The following SLC19A2 variants were observed in gnomAD, a reference collection of about 807,000 sequenced individuals.
SLC19A2 encodes thiamine transporter 1.
In SLC19A2, 27 loss-of-function variants were observed where a neutral mutation model predicts 44.7. The ratio of observed to expected loss-of-function variants is 0.60; its 90% confidence interval spans 0.45 to 0.83. The LOEUF (loss-of-function observed/expected upper bound fraction) is 0.83. Among genes scored for constraint, SLC19A2 ranks in the 40% least tolerant of loss-of-function variants. The pLI is 0.00. For synonymous variants in SLC19A2, 239 were observed against 243.6 expected (o/e 0.98, Z 0.18); for missense variants, 566 against 613.7 (o/e 0.92, Z 0.82).
At position 169,465,788 on chromosome 1, in the gene SLC19A2, A is replaced by G; in HGVS notation, c.*61T>C. The G allele has an allele frequency of 6.3e-7, 1 of 1,587,914 alleles. No individual in the cohort carries two copies. Among genetic ancestry groups the G allele is most frequent in the South Asian group, 1.1e-5 (1 of 90,454 alleles). On this transcript the variant is annotated 3_prime_UTR_variant, in exon 6 of 6. Transcript: ENST00000236137. ...ATATGTCTACGCTTTAAAAAATCAA[A>G]CACATCCAGGCAGTTGCTGTGCAGA...
chr1:169,466,583 G>A (rs1657999833), intron 5 of SLC19A2, among the ~76,000 whole-genome samples: 1 of 151,694 alleles, frequency 6.6e-6, no homozygotes, highest in Non-Finnish European at 1.5e-5. Flanking sequence ...TGTTATATAG[G>A]TATACGTGTG....
At chr1:169,469,026 T>TTTTATTGGAATCAATAAAATG in intron 3 of SLC19A2, 190 bp from the exon 4 acceptor site, 1 of 595,214 alleles carries the variant, frequency 1.7e-6, no homozygotes, top group Non-Finnish European at 3.0e-6. Flanking sequence ...ATGGAGCCAC[T>TTTTATTGGAATCAATAAAATG]GAGATGACAG....
chr1:169,484,782 T>G (rs1271492285), intron 1 of SLC19A2, among the ~76,000 whole-genome samples: 3 of 152,222 alleles, frequency 2.0e-5, no homozygotes, highest in Non-Finnish European at 2.9e-5. Flanking sequence ...AAGAAACTCT[T>G]GATGATGGAC....
At chr1:169,480,286 C>T (rs1451467090) in intron 1 of SLC19A2, among the ~76,000 whole-genome samples, 6 of 152,072 alleles carry the variant, frequency 3.9e-5, no homozygotes, top group African/African-American at 1.4e-4. Flanking sequence ...TCCTTTGTGG[C>T]CTATACTTTT....
intron 1 of SLC19A2, among the ~76,000 whole-genome samples, chr1:169,478,883 C>T (rs1658386184): frequency 6.6e-6 from 1 of 151,664 alleles, no homozygotes; most frequent in South Asian, 2.1e-4. Context: ...CTTATGATCA[C>T]ACCACTACAC....
rs1336569144 is a variant in SLC19A2 at position 169,480,493 on chromosome 1, T to G, written c.205-2736A>C. ...ATGCCGGGCCAATTTTTTGTATTTTTGGGAGAGACAGGGTTTCAATATGTT... is the reference window on the plus strand; with the variant it reads ...ATGCCGGGCCAATTTTTTGTATTTTGGGGAGAGACAGGGTTTCAATATGTT... On this transcript the variant is annotated intron_variant, in intron 1 of 5. Transcript: ENST00000236137. 2.6e-5 allele frequency among the ~76,000 whole-genome samples: 4 copies of G among 152,160 alleles called. No homozygotes were observed. The East Asian group carries it at 5.8e-4, about 22-fold the overall frequency.
chr1:169,469,741 G>C (rs913160175), intron 3 of SLC19A2, among the ~76,000 whole-genome samples: 1 of 152,060 alleles, frequency 6.6e-6, no homozygotes, highest in African/African-American at 2.4e-5. Context: ...TATTATATTA[G>C]GTTTACTCAA....
rs1658346270 is a variant in SLC19A2 at position 169,477,315 on chromosome 1, A to G, written c.647T>C (p.Phe216Ser). The change falls in exon 2 of 6, where the codon TTC (phenylalanine) becomes TCC (serine). Residue 216 changes from phenylalanine to serine, a missense_variant. Coordinates refer to ENST00000236137, the MANE Select transcript of SLC19A2 (RefSeq NM_006996.3). The part of the protein sequence containing the change: ...WFLPMPQKSL[F>S]FHHIPSTCQR... The stretch of plus-strand genomic sequence containing the variant: ...GCAGGTAGAAGGAATGTGGTGAAAG[A>G]AGAGGCTCTTCTGTGGCATAGGTAA... 1 of 1,614,080 alleles carries G rather than the reference A, an allele frequency of 6.2e-7. No homozygotes were observed. The highest frequency in any genetic ancestry group is 8.5e-7 in the Non-Finnish European group (1 of 1,180,032).
chr1:169,468,744 C>A lies in SLC19A2; in HGVS notation c.1123G>T (p.Ala375Ser). 6.2e-6 allele frequency: 10 copies of A among 1,613,604 alleles called. No individual in the cohort carries two copies. The highest frequency in any genetic ancestry group is 8.5e-6 in the Non-Finnish European group (10 of 1,179,622). Reference protein sequence around the residue: ...TLSLFSLLIAAAVYIMDTVGN... With the variant: ...TLSLFSLLIASAVYIMDTVGN... ...ACAGTGTCCATGATATACACTGCAG[C>A]AGCAATCAGGAGAGAAAAGAGAGAT... The change falls in exon 4 of 6, where the codon GCT becomes TCT. Residue 375 changes from alanine (A) to serine (S), a missense_variant. Transcript: ENST00000236137.
At position 169,468,217 on chromosome 1, in the gene SLC19A2, T is replaced by C. The variant is rs760930109; in HGVS notation, c.1259A>G (p.Tyr420Cys). The change falls in exon 5 of 6, where the codon TAT becomes TGT. Residue 420 changes from tyrosine to cysteine, a missense_variant. Transcript: ENST00000236137. ...GGTATTTACACCAAATACTAGGGCA[T>C]AGCGTTCCATGCTGAGGTTTGCAGC... is the stretch of plus-strand genomic sequence containing the variant. ...QIAANLSMER[Y>C]ALVFGVNTFI... 6.2e-7 allele frequency: 1 copy of C among 1,613,914 alleles called. No homozygotes were observed. The highest frequency in any genetic ancestry group is 2.2e-5 in the East Asian group (1 of 44,878).
At chr1:169,480,298 C>T (rs995063077) in intron 1 of SLC19A2, among the ~76,000 whole-genome samples, 1 of 152,070 alleles carries the variant, frequency 6.6e-6, no homozygotes, top group African/African-American at 2.4e-5. Context: ...TATACTTTTA[C>T]AGATACTATC....
At chr1:169,475,178 C>T (rs887073735) in intron 2 of SLC19A2, among the ~76,000 whole-genome samples, 1 of 152,106 alleles carries the variant, frequency 6.6e-6, no homozygotes, top group African/African-American at 2.4e-5. Context: ...AATACTGACA[C>T]ACTGTGTATC....
At chr1:169,474,155 G>A (rs1658257163) in intron 2 of SLC19A2, 1 of 152,072 alleles carries the variant, frequency 6.6e-6, no homozygotes, top group Non-Finnish European at 1.5e-5. Context: ...GGAGGTAGGT[G>A]GTAACTCACT....
Position 169,465,846 on chromosome 1 carries a change from A to G in SLC19A2, c.*3T>C, listed in dbSNP as rs748525459. 6.0e-5 allele frequency: 97 copies of G among 1,613,726 alleles called. No individual in the cohort carries two copies. The highest frequency in any genetic ancestry group is 7.4e-5 in the Non-Finnish European group (87 of 1,179,870). On this transcript the variant is annotated 3_prime_UTR_variant, in exon 6 of 6. Coordinates refer to ENST00000236137, the MANE Select transcript of SLC19A2 (RefSeq NM_006996.3). ...CTATAAGAAGAAGCCCTTCAGCAGT[A>G]TATTATGAAGTGGTTACTTGAGAAC...
At chr1:169,468,891 T>C in intron 3 of SLC19A2, 55 bp from the exon 4 acceptor site, 2 of 1,497,120 alleles carry the variant, frequency 1.3e-6, no homozygotes, top group Non-Finnish European at 1.9e-6. Context: ...GCTGTTGCAA[T>C]AAATTAAAAA....
intron 1 of SLC19A2, among the ~76,000 whole-genome samples, chr1:169,484,182 C>T (rs1267085579): frequency 6.6e-6 from 1 of 152,184 alleles, no homozygotes; most frequent in African/African-American, 2.4e-5. Flanking sequence ...AAGTGAAACC[C>T]TCAATACGTA....
chr1:169,484,148 G>C (rs1413985592), intron 1 of SLC19A2, among the ~76,000 whole-genome samples: 1 of 152,230 alleles, frequency 6.6e-6, no homozygotes, highest in African/African-American at 2.4e-5. Context: ...ATACTTGCTA[G>C]AAGTGAACAA....
At chr1:169,482,802 G>A (rs1172737892) in intron 1 of SLC19A2, among the ~76,000 whole-genome samples, 1 of 152,154 alleles carries the variant, frequency 6.6e-6, no homozygotes, top group East Asian at 1.9e-4. Flanking sequence ...AGATTAATAT[G>A]AATGGAGCTT....
intron 2 of SLC19A2, among the ~76,000 whole-genome samples, chr1:169,475,615 C>A (rs1364191650): frequency 6.6e-6 from 1 of 152,106 alleles, no homozygotes; most frequent in Non-Finnish European, 1.5e-5. Context: ...AATGATTACA[C>A]ACCTCCTTCC....
Sources: gnomAD v4.1 joint callset for allele counts (sites outside exome capture counted in the v4.1 genomes callset) on GRCh38, gnomAD v4.1.1 for gene constraint, MANE v1.5 for transcripts, NCBI Gene and HGNC (gene_info 2026-07-23, HGNC 2026-07-21) for gene names.